NECAB3: variants seen among roughly 807,000 people sequenced by gnomAD.
NECAB3 encodes the protein N-terminal EF-hand calcium-binding protein 3.
A neutral mutation model predicts 57.2 loss-of-function variants in NECAB3; 38 were observed. The ratio of observed to expected loss-of-function variants is 0.66; its 90% CI spans 0.51 to 0.87. The LOEUF (loss-of-function observed/expected upper bound fraction) is 0.87, where lower values mean the gene tolerates loss of function less well. Among genes scored for constraint, NECAB3 ranks in the 40% least tolerant of loss-of-function variants. NECAB3 has a pLI of 0.00. For synonymous variants in NECAB3, 223 were observed against 222.6 expected (o/e 1.00, Z -0.02); for missense variants, 474 against 527.5 (o/e 0.90, Z 0.99).
intron 2 of NECAB3, 135 bp downstream of exon 2, chr20:33,672,263 G>A: frequency 9.6e-7 from 1 of 1,039,206 alleles, no homozygotes; most frequent in Non-Finnish European, 1.5e-6. Context: ...GAAGTGCCTT[G>A]ATTGATTCTC....
intron 1 of NECAB3, among the ~76,000 whole-genome samples, 181 bp from the exon 2 acceptor site, chr20:33,672,603 G>A (rs755339318): frequency 1.3e-5 from 2 of 152,192 alleles, no homozygotes; most frequent in East Asian, 1.9e-4. Flanking sequence ...TGCAAGCGGG[G>A]CACAGGAAGA....
chr20:33,662,653 T>C (rs2017518069), intron 5 of NECAB3: 1 of 696,776 alleles, frequency 1.4e-6, no homozygotes, highest in Non-Finnish European at 2.3e-6. Context: ...TGGGTGTGGA[T>C]GGGGGTCCTT....
Position 33,669,680 on chromosome 20 carries a change from T to TA in NECAB3, c.289+6dup. 6.3e-7 allele frequency: 1 copy of TA among 1,594,824 alleles called. No individual in the cohort carries two copies. Among genetic ancestry groups the TA allele is most frequent in the Non-Finnish European group, 8.5e-7 (1 of 1,170,402 alleles). ...CAGGAGAAAAGAGCTCCCATGGGCC[T>TA]ACTCACCACACAGTTTTTCTGTTTC... On this transcript the variant is annotated splice_region_variant and intron_variant, in intron 4 of 11. Transcript: ENST00000246190.
chr20:33,663,170 C>T (rs1039481657), intron 5 of NECAB3, among the ~76,000 whole-genome samples: 1 of 152,218 alleles, frequency 6.6e-6, no homozygotes, highest in Non-Finnish European at 1.5e-5. Flanking sequence ...TCCCTGTCTC[C>T]CTCTCAAATG....
Position 33,659,691 on chromosome 20 carries a change from T to C in NECAB3, c.685A>G (p.Asn229Asp), listed in dbSNP as rs1352415760. The C allele has an allele frequency of 5.6e-6, 9 of 1,607,002 alleles. No homozygotes were observed. Among genetic ancestry groups the C allele is most frequent in the Non-Finnish European group, 7.6e-6 (9 of 1,178,366 alleles). The change falls in exon 8 of 12, where the codon AAC becomes GAC. Residue 229 changes from asparagine to aspartate, a missense_variant. Physicochemically the swap from Asn to Asp is conservative, Grantham distance 23. Transcript: ENST00000246190. ...EAEMQWRLQVNRLQELIDQLE... is the reference protein window; with the variant it reads ...EAEMQWRLQVDRLQELIDQLE... The stretch of plus-strand genomic sequence containing the variant: ...TGGTCGATGAGCTCCTGGAGGCGGT[T>C]CACCTGGAGCCGCCACTGCATCTCG...
chr20:33,671,064 T>C (rs887860451), intron 2 of NECAB3, among the ~76,000 whole-genome samples: 1 of 152,154 alleles, frequency 6.6e-6, no homozygotes, highest in East Asian at 1.9e-4. Flanking sequence ...ACTCAGTAAA[T>C]GTTTGCCAAG....
At chr20:33,661,309 A>ACG (rs2017469324) in intron 5 of NECAB3, among the ~76,000 whole-genome samples, 1 of 151,930 alleles carries the variant, frequency 6.6e-6, no homozygotes, top group African/African-American at 2.4e-5. Flanking sequence ...ACACACACAC[A>ACG]CGCATCAGGG....
At chr20:33,669,115 CAG>C (rs2017769129) in intron 5 of NECAB3, 2 of 497,550 alleles carry the variant, frequency 4.0e-6, no homozygotes, top group South Asian at 2.6e-5. Context: ...GTGCTGGAAA[CAG>C]AATAAAACAG....
Position 33,657,928 on chromosome 20 carries a change from G to A in NECAB3, c.1162+14C>T, listed in dbSNP as rs1228060041. On this transcript the variant is annotated intron_variant, in intron 11 of 11. Coordinates refer to ENST00000246190, the MANE Select transcript of NECAB3 (RefSeq NM_031232.4). ...CCCCTCCAGGGCCACAGTGAGTGGG[G>A]GTCCACCGCATACCTGGGAAGAACA... 3.9e-6 allele frequency: 6 copies of A among 1,553,130 alleles called. No homozygotes were observed. In the African/African-American group the frequency reaches 6.8e-5, roughly 18 times the overall value.
chr20:33,674,494 G>A (rs1408784080), upstream of NECAB3: 48 of 781,582 alleles, frequency 6.1e-5, no homozygotes, highest in African/African-American at 9.3e-5. Context: ...CCCCGCGGAC[G>A]CCGGGTTCCC....
chr20:33,667,983 C>T (rs1438064723), intron 5 of NECAB3: 3 of 1,548,234 alleles, frequency 1.9e-6, no homozygotes, highest in Non-Finnish European at 2.6e-6. Context: ...TGGCAGACAC[C>T]GTGGTGCTAG....
intron 5 of NECAB3, chr20:33,666,994 T>C (rs1258336628): frequency 6.4e-6 from 1 of 155,266 alleles, no homozygotes; most frequent in Admixed American, 6.5e-5. Context: ...GACTACTCCC[T>C]AGGACAGAGG....
intron 2 of NECAB3, chr20:33,672,164 A>C (rs1271975551): frequency 1.7e-6 from 1 of 585,032 alleles, no homozygotes; most frequent in Non-Finnish European, 3.1e-6. Context: ...GCTGTGTGAA[A>C]GTCAGCCCCT....
At position 33,674,219 on chromosome 20, in the gene NECAB3, C is replaced by A; in HGVS notation, c.129+5G>T. 1 of 1,255,434 alleles carries A rather than the reference C, an allele frequency of 8.0e-7. No homozygotes were observed. The highest frequency in any genetic ancestry group is 1.0e-6 in the Non-Finnish European group (1 of 1,000,294). The allele number at this position is 1,255,434 out of a possible 1,614,324, so 77.8% of individuals were successfully genotyped here. A position where few individuals can be genotyped will look rare whatever the true frequency, so the allele number is the denominator to read the frequency against. On this transcript the variant is annotated splice_donor_5th_base_variant and intron_variant, in intron 1 of 11. Transcript: ENST00000246190. ...ACACCGCGAGCAGAGCCCGCGCCCA[C>A]TCACGTCCTGGAAGAGCGTGTGTCC...
At chr20:33,667,248 G>A in intron 5 of NECAB3, 3 of 411,398 alleles carry the variant, frequency 7.3e-6, no homozygotes, top group South Asian at 8.1e-5. Flanking sequence ...GCTGGGACCG[G>A]CCGGTGCTGC....
chr20:33,657,812 G>A lies in NECAB3; in HGVS notation c.*17C>T, dbSNP rs1169931154. 3.3e-6 allele frequency: 5 copies of A among 1,524,508 alleles called. No individual in the cohort carries two copies. The highest frequency in any genetic ancestry group is 2.5e-5 in the East Asian group (1 of 40,684). The allele number at this position is 1,524,508 out of a possible 1,614,324, so 94.4% of individuals were successfully genotyped here. On this transcript the variant is annotated 3_prime_UTR_variant, in exon 12 of 12. Transcript: ENST00000246190. The stretch of plus-strand genomic sequence containing the variant: ...GGCAGGCAGGGTCCCGGGGCCCTCG[G>A]CGTGTGCAGGTCTGGCTCAGTTGTT...
chr20:33,663,842 G>T (rs1311733400), intron 5 of NECAB3: 2 of 1,408,126 alleles, frequency 1.4e-6, no homozygotes, highest in Admixed American at 6.9e-5. Flanking sequence ...CGCAAACGGT[G>T]CCGCTGCCCT....
intron 3 of NECAB3, chr20:33,670,077 G>C (rs542022889): frequency 2.0e-5 from 5 of 250,520 alleles, no homozygotes; most frequent in Non-Finnish European, 3.8e-5. Flanking sequence ...TTGTAGGTTA[G>C]GGAGGGTTTC....
chr20:33,659,397 G>T, intron 8 of NECAB3, 100 bp downstream of exon 8: 4 of 1,056,778 alleles, frequency 3.8e-6, no homozygotes, highest in Non-Finnish European at 4.0e-6. Flanking sequence ...GGGCACATGC[G>T]CACTGCAGAG....
Sources: gnomAD v4.1 joint callset for allele counts (sites outside exome capture counted in the v4.1 genomes callset) on GRCh38, gnomAD v4.1.1 for gene constraint, MANE v1.5 for transcripts, NCBI Gene and HGNC (gene_info 2026-07-23, HGNC 2026-07-21) for gene names.